Variants in BTBD2 observed in about 807,000 individuals in gnomAD.
The protein encoded by BTBD2 is BTB/POZ domain-containing protein 2.
In BTBD2, 15 loss-of-function variants were observed where a neutral mutation model predicts 44.0. The observed-to-expected ratio is 0.34, with a 90% CI of 0.23 to 0.53. The LOEUF is 0.53. Among genes scored for constraint, BTBD2 ranks in the 20% least tolerant of loss-of-function variants. BTBD2 has a pLI of 0.95. For missense variants in BTBD2, 657 were observed against 746.4 expected (o/e 0.88, Z 1.39); for synonymous variants, 443 against 335.9 (o/e 1.32, Z -3.49).
intron 1 of BTBD2, chr19:2,013,714 T>A (rs35825959): frequency 0.16 from 155,859 of 977,788 alleles, 12,813 homozygotes; most frequent in African/African-American, 0.2. Flanking sequence ...GGGCAGGGGG[T>A]ATCCCTGGAG....
chr19:2,012,892 CTCCAGCTGCACCTGCTGCTGGGTGAGT>C (rs1184372012), intron 1 of BTBD2, among the ~76,000 whole-genome samples: 2 of 152,178 alleles, frequency 1.3e-5, no homozygotes, highest in African/African-American at 4.8e-5. Flanking sequence ...GCCTGGGATT[CTCCAGCTGCACCTGCTGCTGGGTGAGT>C]TCCAGCTGCA....
rs573756139 is a variant in BTBD2 at position 1,986,457 on chromosome 19, CG to C, written c.*30del. 36 of 1,608,646 alleles carry C rather than the reference CG, an allele frequency of 2.2e-5. 2 individuals are homozygous for C. The South Asian group carries it at 3.2e-4, about 14-fold the overall frequency. On this transcript the variant is annotated 3_prime_UTR_variant, in exon 9 of 9. Coordinates refer to ENST00000255608, the MANE Select transcript of BTBD2 (RefSeq NM_017797.4). ...TGGCCTGGGGCTGCGGCTATCCCCA[CG>C]GAGGGAGGGCGGTGTCGGTGTCGGG...
chr19:1,992,284 G>C (rs1370873859), intron 3 of BTBD2, among the ~76,000 whole-genome samples: 2 of 151,974 alleles, frequency 1.3e-5, no homozygotes, highest in Non-Finnish European at 2.9e-5. Context: ...TTTTTTAGTA[G>C]AGATGAGGTT....
At chr19:1,996,833 C>G (rs896173779) in intron 2 of BTBD2, among the ~76,000 whole-genome samples, 1 of 151,990 alleles carries the variant, frequency 6.6e-6, no homozygotes, top group Non-Finnish European at 1.5e-5. Flanking sequence ...GATCACACCA[C>G]TGCACTCCAT....
intron 1 of BTBD2, among the ~76,000 whole-genome samples, chr19:2,010,099 C>T (rs990762317): frequency 6.6e-6 from 1 of 152,136 alleles, no homozygotes; most frequent in South Asian, 2.1e-4. Context: ...TTGCAGTGAG[C>T]GGAGATCGCG....
chr19:1,993,193 G>T lies in BTBD2; in HGVS notation c.528-17C>A. ...TAGAGAAACCTGCAGAAGCAACGCG[G>T]GTGGCCGTGAGGTGGGACCGCCATG... On this transcript the variant is annotated splice_polypyrimidine_tract_variant and intron_variant, in intron 2 of 8. Transcript: ENST00000255608. The T allele has an allele frequency of 1.9e-6, 3 of 1,585,818 alleles. No homozygotes were observed. Among genetic ancestry groups the T allele is most frequent in the Non-Finnish European group, 2.6e-6 (3 of 1,172,810 alleles).
chr19:1,987,207 C>T lies in BTBD2; in HGVS notation c.1228G>A (p.Gly410Arg), dbSNP rs1169734304. 2 of 1,613,722 alleles carry T rather than the reference C, an allele frequency of 1.2e-6. No homozygotes were observed. Among genetic ancestry groups the T allele is most frequent in the South Asian group, 1.1e-5 (1 of 91,072 alleles). ...TAGTCGGTGGGCCCGTGGATGGATC[C>T]ATACAGCCCAAATCCCACCACGAAG... ...RIFVVGFGLY[G>R]SIHGPTDYQV... The change falls in exon 7 of 9, where the codon GGA becomes AGA. Residue 410 changes from glycine (G) to arginine (R), a missense_variant. Gly to Arg is a moderately radical substitution (Grantham distance 125). Transcript: ENST00000255608.
At chr19:1,995,737 C>T (rs529524057) in intron 2 of BTBD2, among the ~76,000 whole-genome samples, 45 of 151,490 alleles carry the variant, frequency 3.0e-4, no homozygotes, top group African/African-American at 9.5e-4. Context: ...CCCGGGTTCA[C>T]GCCATTCTCC....
chr19:2,012,867 C>G (rs1415957088), intron 1 of BTBD2, among the ~76,000 whole-genome samples: 1 of 152,176 alleles, frequency 6.6e-6, no homozygotes, highest in Non-Finnish European at 1.5e-5. Flanking sequence ...CCCCACCTCC[C>G]CCCTCAAACA....
intron 1 of BTBD2, among the ~76,000 whole-genome samples, chr19:2,012,013 C>G (rs1213982409): frequency 6.6e-6 from 1 of 151,978 alleles, no homozygotes; most frequent in African/African-American, 2.4e-5. Context: ...CACCACCACA[C>G]CCGGCTAATT....
rs1216722533 is a variant in BTBD2 at position 1,988,944 on chromosome 19, C to T, written c.988+1060G>A. ...TTTTTTTATTTTAAATGGAGTTTCA[C>T]TCTTGTTGCCCAGGCTGGAGTGCAG... On this transcript the variant is annotated intron_variant, in intron 5 of 8. Transcript: ENST00000255608. Among the ~76,000 whole-genome samples, 4 of 152,098 alleles carry T rather than the reference C, an allele frequency of 2.6e-5. No individual in the cohort carries two copies. In the South Asian group the frequency reaches 8.3e-4, roughly 32 times the overall value.
intron 1 of BTBD2, chr19:2,013,518 A>AG: frequency 4.1e-6 from 4 of 986,112 alleles, no homozygotes; most frequent in Non-Finnish European, 4.8e-6. Context: ...GATGGGGTGC[A>AG]GGGGGTAGCA....
intron 1 of BTBD2, among the ~76,000 whole-genome samples, chr19:1,999,217 C>T (rs1335371956): frequency 3.9e-5 from 6 of 152,344 alleles, no homozygotes; most frequent in African/African-American, 4.8e-5. Flanking sequence ...CAGAAACCAA[C>T]GCAGTGGCTT....
intron 1 of BTBD2, among the ~76,000 whole-genome samples, chr19:1,998,571 G>T (rs1262582671): frequency 6.6e-6 from 1 of 152,228 alleles, no homozygotes; most frequent in African/African-American, 2.4e-5. Context: ...GCCACAGGCA[G>T]GAGGGTGCGG....
intron 5 of BTBD2, 73 bp downstream of exon 5, chr19:1,989,931 A>G (rs1024503873): frequency 4.4e-5 from 67 of 1,539,762 alleles, no homozygotes; most frequent in Non-Finnish European, 5.6e-5. Flanking sequence ...CGGGGGCACT[A>G]TCCTCGGTAC....
intron 1 of BTBD2, among the ~76,000 whole-genome samples, chr19:1,999,678 A>G (rs1316732900): frequency 2.0e-5 from 3 of 151,364 alleles, no homozygotes; most frequent in Non-Finnish European, 4.4e-5. Context: ...AAAAAAAAAA[A>G]GGCCAGGTGC....
chr19:2,012,204 G>C (rs1352188709), intron 1 of BTBD2, among the ~76,000 whole-genome samples: 1 of 147,566 alleles, frequency 6.8e-6, no homozygotes, highest in African/African-American at 2.6e-5. Flanking sequence ...CTGGGCTGGA[G>C]TGCAATGGCG....
chr19:1,996,302 T>C (rs555761600), intron 2 of BTBD2, among the ~76,000 whole-genome samples: 1 of 152,266 alleles, frequency 6.6e-6, no homozygotes, highest in South Asian at 2.1e-4. Flanking sequence ...TGGGATTCCA[T>C]ATGAATTCTA....
intron 1 of BTBD2, among the ~76,000 whole-genome samples, chr19:2,004,544 G>A (rs567643255): frequency 5.3e-5 from 8 of 151,986 alleles, no homozygotes; most frequent in South Asian, 2.1e-4. Flanking sequence ...TGATTCGCCC[G>A]CCTCGGCCTC....
Sources: allele counts gnomAD v4.1 joint callset (sites outside exome capture counted in the v4.1 genomes callset), GRCh38; gene constraint gnomAD v4.1.1; transcripts MANE v1.5; gene names NCBI Gene and HGNC (gene_info 2026-07-23, HGNC 2026-07-21).